WASHC4: variants seen among roughly 807,000 people sequenced by gnomAD.
WASHC4 encodes the protein WASH complex subunit 4.
Under a neutral mutation model 166.6 loss-of-function variants are expected in WASHC4, and 86 were observed. That is an observed-to-expected ratio of 0.52 (90% CI 0.43 to 0.62). The LOEUF is 0.62. Ranked by LOEUF, WASHC4 falls within the 20% of genes least tolerant of loss-of-function variation. The probability of loss-of-function intolerance (pLI) is 0.00; values close to 1 mark genes in which losing one functional copy is unlikely to be tolerated. For missense variants in WASHC4, 1,262 were observed against 1,382.4 expected, an observed-to-expected ratio of 0.91 and a Z score of 1.38; for synonymous variants, 446 against 451.6, an observed-to-expected ratio of 0.99 and a Z score of 0.16.
chr12:105,148,359 T>G, intron 24 of WASHC4: 1 of 985,314 alleles, frequency 1.0e-6, no homozygotes, highest in Non-Finnish European at 1.2e-6. Context: ...CAAATATTCA[T>G]GTAACAGATG....
chr12:105,142,319 A>G (rs997950912), intron 18 of WASHC4, 134 bp from the exon 19 acceptor site: 4 of 680,966 alleles, frequency 5.9e-6, no homozygotes, highest in East Asian at 5.5e-5. Flanking sequence ...TTTCTATACT[A>G]TGTTGGGTTA....
chr12:105,152,577 A>G (rs1231598450), intron 26 of WASHC4, 126 bp downstream of exon 26: 1 of 685,562 alleles, frequency 1.5e-6, no homozygotes, highest in Admixed American at 2.3e-5. Context: ...CCACTCATGT[A>G]ATTTTTTTAC....
Position 105,107,758 on chromosome 12 carries a change from G to T in WASHC4, c.-43G>T. ...TAGCTGGGGTGAGGCCGTCGTCGCC[G>T]CACGGGCTGGTTGGGGCTGTGTCTG... On this transcript the variant is annotated 5_prime_UTR_variant, in exon 1 of 33. Coordinates refer to ENST00000332180, the MANE Select transcript of WASHC4 (RefSeq NM_015275.3). The T allele has an allele frequency of 3.4e-6, 5 of 1,472,032 alleles. No homozygotes were observed. The highest frequency in any genetic ancestry group is 3.7e-6 in the Non-Finnish European group (4 of 1,078,122). 91.2% of individuals were successfully genotyped at this position (1,472,032 alleles called of 1,614,324 possible). A position where few individuals can be genotyped will look rare whatever the true frequency, so the allele number is the denominator to read the frequency against.
At chr12:105,139,425 G>GTGTGTGTATGTATATATATATA in intron 15 of WASHC4, among the ~76,000 whole-genome samples, 6 of 103,228 alleles carry the variant, frequency 5.8e-5, no homozygotes, top group Admixed American at 2.2e-4. Context: ...ATGTGTGTGT[G>GTGTGTGTATGTATATATATATA]TATATATATA....
At chr12:105,144,596 TTAA>T in intron 21 of WASHC4, 119 bp from the exon 22 acceptor site, 1 of 1,151,946 alleles carries the variant, frequency 8.7e-7, no homozygotes, top group East Asian at 2.5e-5. Flanking sequence ...CTCATTTTTA[TTAA>T]TACCTTATTT....
rs115606409 is a variant in WASHC4 at position 105,123,087 on chromosome 12, G to T, written c.786+849G>T. On this transcript the variant is annotated intron_variant, in intron 10 of 32. Coordinates refer to ENST00000332180, the MANE Select transcript of WASHC4 (RefSeq NM_015275.3). ...CCCAGCACTTTGGGAGGCCAGGCAC[G>T]CAGATCACGTGAGGTCAGGAGTTCA... Among the ~76,000 whole-genome samples, 1,098 of 152,346 alleles carry T rather than the reference G, an allele frequency of 7.2e-3. 18 individuals are homozygous for T. The highest frequency in any genetic ancestry group is 0.024 in the African/African-American group (1,017 of 41,580).
At chr12:105,111,389 G>A in intron 2 of WASHC4, 125 bp downstream of exon 2, 2 of 672,656 alleles carry the variant, frequency 3.0e-6, no homozygotes, top group South Asian at 2.2e-5. Flanking sequence ...GAAAGTTGGA[G>A]AAAATTGTTA....
intron 6 of WASHC4, among the ~76,000 whole-genome samples, chr12:105,117,510 T>A (rs1266779585): frequency 6.6e-6 from 1 of 152,232 alleles, no homozygotes; most frequent in Non-Finnish European, 1.5e-5. Context: ...TTTTTAAACT[T>A]CTAGAAGTTT....
rs797017645 is a variant in WASHC4 at position 105,148,200 on chromosome 12, A to G, written c.2514+1054A>G. 26 of 985,340 alleles carry G rather than the reference A, an allele frequency of 2.6e-5. No homozygotes were observed. In the African/African-American group the frequency reaches 4.2e-4, roughly 16 times the overall value. The allele number at this position is 985,340 out of a possible 1,614,324, so 61.0% of individuals were successfully genotyped here. A position where few individuals can be genotyped will look rare whatever the true frequency, so the allele number is the denominator to read the frequency against. ...CAATGAGTGATATGATTGGAGCTCCATTATAGTGGGGTTATCAATATAGAA... is the reference window on the plus strand; with the variant it reads ...CAATGAGTGATATGATTGGAGCTCCGTTATAGTGGGGTTATCAATATAGAA... On this transcript the variant is annotated intron_variant, in intron 24 of 32. Transcript: ENST00000332180.
chr12:105,158,276 C>T (rs1039635129), intron 28 of WASHC4, among the ~76,000 whole-genome samples: 4 of 152,244 alleles, frequency 2.6e-5, no homozygotes, highest in Admixed American at 1.3e-4. Context: ...AGGATTCATT[C>T]AGTAATTCAT....
chr12:105,111,337 A>C, intron 2 of WASHC4, 73 bp downstream of exon 2: 2 of 981,566 alleles, frequency 2.0e-6, no homozygotes, highest in Non-Finnish European at 1.5e-6. Context: ...ATAATTTTTT[A>C]AAATGGAAAA....
Position 105,108,031 on chromosome 12 carries a change from T to C in WASHC4, c.61+170T>C, listed in dbSNP as rs569440035. Among the ~76,000 whole-genome samples, 7 of 152,090 alleles carry C rather than the reference T, an allele frequency of 4.6e-5. No homozygotes were observed. The East Asian group carries it at 1.4e-3, about 30-fold the overall frequency. On this transcript the variant is annotated intron_variant, in intron 1 of 32. Transcript: ENST00000332180. The stretch of plus-strand genomic sequence containing the variant: ...GCGCTCTCCAGCGTTACTTTCGGGG[T>C]TGGGGTCCCAGCCACGGCGGGTCAG...
intron 10 of WASHC4, 68 bp from the exon 11 acceptor site, chr12:105,125,936 A>G: frequency 7.0e-7 from 1 of 1,436,400 alleles, no homozygotes; most frequent in South Asian, 1.2e-5. Context: ...TATTTAGTGT[A>G]TGATATTTAA....
intron 12 of WASHC4, 59 bp downstream of exon 12, chr12:105,126,421 T>C (rs1030213755): frequency 1.1e-5 from 14 of 1,280,558 alleles, no homozygotes; most frequent in African/African-American, 1.5e-5. Context: ...CAGATAAAAC[T>C]AAATATTTTA....
At chr12:105,145,464 T>C (rs1054340068) in intron 22 of WASHC4, among the ~76,000 whole-genome samples, 6 of 152,042 alleles carry the variant, frequency 3.9e-5, no homozygotes, top group South Asian at 2.1e-4. Flanking sequence ...AGTTCTAAAA[T>C]TTGAGGATTC....
rs1001417838 is a variant in WASHC4 at position 105,127,520 on chromosome 12, G to A, written c.1199+231G>A. Among the ~76,000 whole-genome samples the A allele has an allele frequency of 2.6e-5, 4 of 152,194 alleles. No homozygotes were observed. In the East Asian group the frequency reaches 5.8e-4, roughly 22 times the overall value. On this transcript the variant is annotated intron_variant, in intron 13 of 32. Transcript: ENST00000332180. ...GATTATACTTTATGGATACAAATGC[G>A]TACATACATAGTTTTTATCATCTGT...
At chr12:105,138,138 T>C (rs2135783671) in intron 15 of WASHC4, 127 bp downstream of exon 15, 3 of 853,358 alleles carry the variant, frequency 3.5e-6, no homozygotes, top group Middle Eastern at 2.4e-4. Flanking sequence ...AGTACTTCTC[T>C]CTCAATTGAA....
At chr12:105,142,885 GGA>G (rs1882984378) in intron 19 of WASHC4, among the ~76,000 whole-genome samples, 2 of 151,966 alleles carry the variant, frequency 1.3e-5, no homozygotes, top group Admixed American at 1.3e-4. Context: ...TTTTCTTTAT[GGA>G]AATAAGTGTG....
intron 9 of WASHC4, 65 bp downstream of exon 9, chr12:105,121,269 G>A: frequency 1.0e-6 from 1 of 955,180 alleles, no homozygotes; most frequent in Non-Finnish European, 1.7e-6. Context: ...TTAGTAAAAA[G>A]TAAACAGATA....
Sources: allele counts gnomAD v4.1 joint callset (sites outside exome capture counted in the v4.1 genomes callset), GRCh38; gene constraint gnomAD v4.1.1; transcripts MANE v1.5; gene names NCBI Gene and HGNC (gene_info 2026-07-23, HGNC 2026-07-21).